The following KCND2 variants were observed in gnomAD, a reference collection of about 807,000 sequenced individuals.
KCND2 encodes A-type voltage-gated potassium channel KCND2.
KCND2 carries 16 observed loss-of-function variants against 54.4 expected under a neutral mutation model. The observed-to-expected ratio is 0.29, with a 90% CI of 0.20 to 0.45. The LOEUF is 0.45. KCND2 is among the 20% of genes least tolerant of loss of function. KCND2 has a pLI of 1.00. For missense variants in KCND2, 486 were observed against 824.2 expected (o/e 0.59, Z 5.02); for synonymous variants, 317 against 310.7 (o/e 1.02, Z -0.21).
rs1491350289 is a variant in KCND2 at position 120,523,702 on chromosome 7, C to CACTGTGTGTG, written c.1116-209201_1116-209200insACTGTGTGTG. Among the ~76,000 whole-genome samples the CACTGTGTGTG allele has an allele frequency of 2.4e-3, 264 of 111,018 alleles. 2 individuals are homozygous for CACTGTGTGTG. The highest frequency in any genetic ancestry group is 0.01 in the African/African-American group (238 of 23,090). The allele number at this position is 111,018 out of a possible 152,430, so 72.8% of individuals were successfully genotyped here. ...ATACACAGATATACACACACACACA[C>CACTGTGTGTG]TCTGTGTGTGTGTGTGTGTGTGTGT... On this transcript the variant is annotated intron_variant, in intron 1 of 5. Transcript: ENST00000331113.
intron 1 of KCND2, among the ~76,000 whole-genome samples, chr7:120,466,943 T>C (rs1802379475): frequency 6.6e-6 from 1 of 152,172 alleles, no homozygotes; most frequent in African/African-American, 2.4e-5. Context: ...TCAACCTCTG[T>C]GTCCACCATT....
chr7:120,700,663 T>C (rs942768210), intron 1 of KCND2, among the ~76,000 whole-genome samples: 1 of 152,212 alleles, frequency 6.6e-6, no homozygotes, highest in Non-Finnish European at 1.5e-5. Context: ...CTGGGCAAGG[T>C]CCTTCATGAA....
intron 1 of KCND2, among the ~76,000 whole-genome samples, chr7:120,571,568 A>G (rs1201042250): frequency 6.6e-6 from 1 of 152,224 alleles, no homozygotes; most frequent in Non-Finnish European, 1.5e-5. Flanking sequence ...TGAAGAGGAA[A>G]CAATATAAGT....
At chr7:120,726,905 T>C (rs900476789) in intron 1 of KCND2, among the ~76,000 whole-genome samples, 4 of 152,186 alleles carry the variant, frequency 2.6e-5, no homozygotes, top group Non-Finnish European at 5.9e-5. Context: ...ATGTGAGAGA[T>C]TGAGTTACAG....
chr7:120,285,790 T>C (rs988453718), intron 1 of KCND2, among the ~76,000 whole-genome samples: 1 of 151,962 alleles, frequency 6.6e-6, no homozygotes, highest in Non-Finnish European at 1.5e-5. Context: ...TCTCAGAAGA[T>C]AACACAATAA....
At chr7:120,598,993 A>C (rs1353648375) in intron 1 of KCND2, among the ~76,000 whole-genome samples, 1 of 152,018 alleles carries the variant, frequency 6.6e-6, no homozygotes, top group African/African-American at 2.4e-5. Flanking sequence ...TTTTGAGTTA[A>C]ATTTTGTGTA....
chr7:120,394,219 G>A (rs1801119645), intron 1 of KCND2, among the ~76,000 whole-genome samples: 1 of 151,956 alleles, frequency 6.6e-6, no homozygotes, highest in Non-Finnish European at 1.5e-5. Flanking sequence ...AGGCTCAGAA[G>A]TTCGGGTTTT....
chr7:120,397,063 G>A (rs1466619735), intron 1 of KCND2, among the ~76,000 whole-genome samples: 1 of 151,866 alleles, frequency 6.6e-6, no homozygotes, highest in East Asian at 1.9e-4. Flanking sequence ...CACGATCCTA[G>A]GAAAGAAGGC....
At chr7:120,512,582 G>T (rs1316728756) in intron 1 of KCND2, among the ~76,000 whole-genome samples, 5 of 151,996 alleles carry the variant, frequency 3.3e-5, no homozygotes, top group Non-Finnish European at 5.9e-5. Flanking sequence ...CATTAGTCTT[G>T]TGGAGGCTCA....
intron 1 of KCND2, among the ~76,000 whole-genome samples, chr7:120,550,781 T>C (rs1309790166): frequency 6.6e-6 from 1 of 152,180 alleles, no homozygotes; most frequent in Admixed American, 6.5e-5. Flanking sequence ...GAACAAATTC[T>C]GAGGGAAGAG....
chr7:120,661,775 C>G (rs1791869229), intron 1 of KCND2, among the ~76,000 whole-genome samples: 1 of 152,168 alleles, frequency 6.6e-6, no homozygotes, highest in Non-Finnish European at 1.5e-5. Flanking sequence ...GGGTAACCTA[C>G]TCTGTGAGTG....
At chr7:120,353,727 T>C (rs1031765756) in intron 1 of KCND2, among the ~76,000 whole-genome samples, 1 of 152,178 alleles carries the variant, frequency 6.6e-6, no homozygotes, top group African/African-American at 2.4e-5. Context: ...GTCTCTGAGA[T>C]ACTTTTAAAG....
chr7:120,676,934 G>T (rs1223999260), intron 1 of KCND2, among the ~76,000 whole-genome samples: 1 of 152,188 alleles, frequency 6.6e-6, no homozygotes, highest in African/African-American at 2.4e-5. Context: ...GATCTAATTG[G>T]CTGTGTTGTT....
chr7:120,599,825 A>C (rs562322873), intron 1 of KCND2, among the ~76,000 whole-genome samples: 1 of 152,038 alleles, frequency 6.6e-6, no homozygotes, highest in Admixed American at 6.6e-5. Context: ...ACCTCCAGTA[A>C]AATGATGAAT....
chr7:120,588,903 C>T (rs1247874555), intron 1 of KCND2, among the ~76,000 whole-genome samples: 1 of 152,114 alleles, frequency 6.6e-6, no homozygotes, highest in Non-Finnish European at 1.5e-5. Flanking sequence ...CCTCATATAG[C>T]CATGTCTTGA....
At chr7:120,299,676 T>A (rs1225597786) in intron 1 of KCND2, among the ~76,000 whole-genome samples, 1 of 152,164 alleles carries the variant, frequency 6.6e-6, no homozygotes, top group Non-Finnish European at 1.5e-5. Context: ...TTTCACCTTA[T>A]GATCAAGGTG....
At chr7:120,291,610 T>C (rs573891387) in intron 1 of KCND2, among the ~76,000 whole-genome samples, 4 of 151,994 alleles carry the variant, frequency 2.6e-5, no homozygotes, top group African/African-American at 9.6e-5. Flanking sequence ...TGCTATAGAA[T>C]ATACATGACA....
intron 1 of KCND2, among the ~76,000 whole-genome samples, chr7:120,325,762 A>G (rs1279302423): frequency 2.6e-5 from 4 of 152,126 alleles, no homozygotes; most frequent in African/African-American, 4.8e-5. Context: ...AGAACCAGCC[A>G]TTTAAAAAAA....
intron 1 of KCND2, among the ~76,000 whole-genome samples, chr7:120,550,143 C>G (rs1487857503): frequency 2.0e-5 from 3 of 151,964 alleles, no homozygotes; most frequent in African/African-American, 7.2e-5. Flanking sequence ...CACGCCATAA[C>G]CAATAATTAC....
Sources: allele counts gnomAD v4.1 joint callset (sites outside exome capture counted in the v4.1 genomes callset), GRCh38; gene constraint gnomAD v4.1.1; transcripts MANE v1.5; gene names NCBI Gene and HGNC (gene_info 2026-07-23, HGNC 2026-07-21).